Variants in P2RY14 observed in about 807,000 individuals in gnomAD.
P2RY14 encodes the protein purinergic receptor P2Y14, also known as P2Y purinoceptor 14.
Under a neutral mutation model 0.9 loss-of-function variants are expected in P2RY14, and 2 were observed. That is an observed-to-expected ratio of 2.16 (90% CI 0.88 to 6.79). The LOEUF is 6.79. P2RY14 is among the 30% of genes most tolerant of loss of function. The pLI is 0.05. For missense variants in P2RY14, 378 were observed against 400.1 expected (o/e 0.94, Z 0.47); for synonymous variants, 158 against 147.2 (o/e 1.07, Z -0.53).
In P2RY14 at chr3:151,214,293, C is replaced by T; in HGVS notation, c.24G>A (p.Gln8=). Residue 8 remains glutamine (Q), a synonymous_variant, in exon 3 of 3, where the codon CAG becomes CAA. Transcript: ENST00000309170. The stretch of plus-strand genomic sequence containing the variant: ...TCTGAGAGCAGGATTCATCTGGAGG[C>T]TGTGTGGAGGTTGAATTGATCATCT... The part of the protein sequence containing the change: MINSTST[Q]PPDESCSQNL... 6.2e-7 allele frequency: 1 copy of T among 1,613,552 alleles called. No homozygotes were observed. Among genetic ancestry groups the T allele is most frequent in the Non-Finnish European group, 8.5e-7 (1 of 1,179,740 alleles).
chr3:151,219,900 C>G (rs1015523947), intron 1 of P2RY14, among the ~76,000 whole-genome samples: 2 of 140,274 alleles, frequency 1.4e-5, no homozygotes, highest in Non-Finnish European at 3.1e-5. Flanking sequence ...TACCCCCCCC[C>G]CCCCCTTGGA....
chr3:151,225,519 A>T (rs1730312763), intron 1 of P2RY14, among the ~76,000 whole-genome samples: 1 of 152,100 alleles, frequency 6.6e-6, no homozygotes, highest in Admixed American at 6.5e-5. Context: ...TGCTATCATG[A>T]TCTAATCATC....
At chr3:151,232,103 C>T (rs13083258) in intron 1 of P2RY14, among the ~76,000 whole-genome samples, 110 of 152,260 alleles carry the variant, frequency 7.2e-4, no homozygotes, top group Admixed American at 1.6e-3. Flanking sequence ...TGCTATTTTT[C>T]TTACCTTTCC....
chr3:151,231,973 C>T (rs973839909), intron 1 of P2RY14, among the ~76,000 whole-genome samples: 1 of 152,130 alleles, frequency 6.6e-6, no homozygotes, highest in East Asian at 1.9e-4. Context: ...CTGATATATG[C>T]ATGCCTATAT....
chr3:151,216,485 G>C (rs1025951197), intron 2 of P2RY14, among the ~76,000 whole-genome samples: 2 of 152,174 alleles, frequency 1.3e-5, no homozygotes, highest in African/African-American at 2.4e-5. Flanking sequence ...CTTGTGTGCT[G>C]CTTCCTACAC....
intron 1 of P2RY14, among the ~76,000 whole-genome samples, chr3:151,225,459 A>G (rs1242039116): frequency 6.6e-6 from 1 of 152,164 alleles, no homozygotes; most frequent in Non-Finnish European, 1.5e-5. Flanking sequence ...ACCAAGAGAA[A>G]AAGAGGGCCA....
At position 151,225,649 on chromosome 3, in the gene P2RY14, G is replaced by A. The variant is rs559565018; in HGVS notation, c.-132-6007C>T. Among the ~76,000 whole-genome samples, 6 of 152,262 alleles carry A rather than the reference G, an allele frequency of 3.9e-5. No homozygotes were observed. In the East Asian group the frequency reaches 5.8e-4, roughly 15 times the overall value. On this transcript the variant is annotated intron_variant, in intron 1 of 2. Transcript: ENST00000309170. ...GATCCTATCGGTAGCTGTCTCATCC[G>A]TGTTCTGCATTCCTGTGGCACTCTT...
At chr3:151,237,514 T>C (rs1041506348) in intron 1 of P2RY14, among the ~76,000 whole-genome samples, 6 of 151,560 alleles carry the variant, frequency 4.0e-5, no homozygotes, top group Non-Finnish European at 7.4e-5. Context: ...CATGCCTGGC[T>C]AATTTTTTGT....
intron 1 of P2RY14, among the ~76,000 whole-genome samples, chr3:151,231,144 C>T (rs1269064846): frequency 6.6e-6 from 1 of 152,140 alleles, no homozygotes; most frequent in African/African-American, 2.4e-5. Context: ...ATTAAAAGTA[C>T]AGATTACAAA....
intron 1 of P2RY14, among the ~76,000 whole-genome samples, chr3:151,269,082 A>G (rs1226836689): frequency 2.0e-5 from 3 of 152,176 alleles, no homozygotes; most frequent in African/African-American, 7.2e-5. Flanking sequence ...GAAAAAGAAC[A>G]GAAAGAAGCA....
chr3:151,252,949 G>A (rs2870521), intron 1 of P2RY14, among the ~76,000 whole-genome samples: 13 of 152,210 alleles, frequency 8.5e-5, no homozygotes, highest in Admixed American at 5.9e-4. Flanking sequence ...ATGACATAGG[G>A]AATGTGTATA....
intron 1 of P2RY14, among the ~76,000 whole-genome samples, chr3:151,254,703 T>C (rs539257584): frequency 6.6e-6 from 1 of 152,334 alleles, no homozygotes; most frequent in East Asian, 1.9e-4. Context: ...CATAGATGCT[T>C]CTTAGCATTA....
At chr3:151,255,180 G>A (rs1737588968) in intron 1 of P2RY14, among the ~76,000 whole-genome samples, 1 of 152,164 alleles carries the variant, frequency 6.6e-6, no homozygotes, top group Non-Finnish European at 1.5e-5. Context: ...CCAATTTCAT[G>A]TAAGAAGGAG....
chr3:151,217,619 A>G (rs1328402641), intron 2 of P2RY14, among the ~76,000 whole-genome samples: 5 of 152,174 alleles, frequency 3.3e-5, no homozygotes. Context: ...GGTTTTAGAC[A>G]TGCTGGTTGG....
intron 1 of P2RY14, among the ~76,000 whole-genome samples, chr3:151,234,927 C>G (rs1364452260): frequency 1.3e-5 from 2 of 152,226 alleles, no homozygotes; most frequent in Non-Finnish European, 2.9e-5. Context: ...CAGCCTGAAG[C>G]AGCAAACGTT....
chr3:151,253,988 G>T (rs1577134892), intron 1 of P2RY14, among the ~76,000 whole-genome samples: 2 of 131,338 alleles, frequency 1.5e-5, no homozygotes, highest in African/African-American at 2.9e-5. Context: ...TTTTTGTTTT[G>T]ATTTTTTCTT....
chr3:151,258,655 G>GCCT (rs1738275389), intron 1 of P2RY14, among the ~76,000 whole-genome samples: 1 of 151,922 alleles, frequency 6.6e-6, no homozygotes, highest in African/African-American at 2.4e-5. Context: ...TAAGAGTCCA[G>GCCT]CCTGATCAAC....
At chr3:151,270,107 G>A (rs1292449217) in intron 1 of P2RY14, 5 of 240,160 alleles carry the variant, frequency 2.1e-5, no homozygotes, top group Non-Finnish European at 4.1e-5. Context: ...AGGGAGGAAA[G>A]AAAGGGGGTG....
chr3:151,234,993 C>T lies in P2RY14; in HGVS notation c.-132-15351G>A, dbSNP rs1376933210. ...CTAACCACGTCATGGACGTGGTTAA[C>T]TTGTAGAAAAAGCTCAGGCGTGTTT... On this transcript the variant is annotated intron_variant, in intron 1 of 2. Transcript: ENST00000309170. 2.0e-5 allele frequency among the ~76,000 whole-genome samples: 3 copies of T among 152,190 alleles called. No homozygotes were observed. In the East Asian group the frequency reaches 5.8e-4, roughly 29 times the overall value.
Sources: allele counts gnomAD v4.1 joint callset (sites outside exome capture counted in the v4.1 genomes callset), GRCh38; gene constraint gnomAD v4.1.1; transcripts MANE v1.5; gene names NCBI Gene and HGNC (gene_info 2026-07-23, HGNC 2026-07-21).